USP15: variants seen among roughly 807,000 people sequenced by gnomAD.
USP15 encodes ubiquitin specific peptidase 15, also known as ubiquitin carboxyl-terminal hydrolase 15.
A neutral mutation model predicts 127.1 loss-of-function variants in USP15; 18 were observed. That is an observed-to-expected ratio of 0.14 (90% CI 0.10 to 0.21). The LOEUF is 0.21. Ranked by LOEUF, USP15 falls within the 10% of genes least tolerant of loss-of-function variation. USP15 has a pLI of 1.00. For missense variants in USP15, 805 were observed against 1,159.9 expected (o/e 0.69, Z 4.44); for synonymous variants, 364 against 393.7 (o/e 0.92, Z 0.89).
intron 8 of USP15, among the ~76,000 whole-genome samples, chr12:62,372,414 G>T (rs978484544): frequency 6.6e-6 from 1 of 151,966 alleles, no homozygotes; most frequent in Non-Finnish European, 1.5e-5. Flanking sequence ...AATTCTTTTA[G>T]AACATTATTT....
At chr12:62,332,268 A>G (rs1349822463) in intron 6 of USP15, among the ~76,000 whole-genome samples, 2 of 151,820 alleles carry the variant, frequency 1.3e-5, no homozygotes, top group African/African-American at 4.8e-5. Flanking sequence ...TTTTAACACT[A>G]CTTGTTTTAT....
chr12:62,368,405 G>C (rs191176776), intron 8 of USP15, among the ~76,000 whole-genome samples: 1 of 152,082 alleles, frequency 6.6e-6, no homozygotes, highest in Non-Finnish European at 1.5e-5. Flanking sequence ...TATTAACAGT[G>C]GGGTGTTAAA....
intron 1 of USP15, among the ~76,000 whole-genome samples, chr12:62,268,919 T>G (rs566529845): frequency 7.9e-5 from 12 of 152,258 alleles, no homozygotes; most frequent in Non-Finnish European, 1.6e-4. Flanking sequence ...CCCAAACTCC[T>G]CTGTTCTAGG....
intron 1 of USP15, among the ~76,000 whole-genome samples, chr12:62,263,185 A>T (rs1420295768): frequency 6.6e-6 from 1 of 152,116 alleles, no homozygotes; most frequent in African/African-American, 2.4e-5. Flanking sequence ...TTTCCTTTTA[A>T]TATCTTTTTT....
chr12:62,319,924 C>G (rs886261983), intron 4 of USP15, among the ~76,000 whole-genome samples: 2 of 152,124 alleles, frequency 1.3e-5, no homozygotes, highest in African/African-American at 4.8e-5. Context: ...TAAAACAGCT[C>G]CCTTCCTTGG....
chr12:62,285,108 A>G (rs1359891746), intron 1 of USP15, among the ~76,000 whole-genome samples: 1 of 152,144 alleles, frequency 6.6e-6, no homozygotes, highest in African/African-American at 2.4e-5. Context: ...TATACTTTCT[A>G]TTAATATTTT....
intron 6 of USP15, among the ~76,000 whole-genome samples, chr12:62,347,733 T>C (rs1340150312): frequency 6.6e-6 from 1 of 152,156 alleles, no homozygotes; most frequent in Non-Finnish European, 1.5e-5. Context: ...CTATTTTGTT[T>C]TTGAGTTTAG....
At chr12:62,393,465 A>G (rs1290305362) in intron 19 of USP15, 22 of 293,424 alleles carry the variant, frequency 7.5e-5, no homozygotes, top group African/African-American at 3.9e-4. Flanking sequence ...TATATTACCT[A>G]TGGGTTAATT....
intron 4 of USP15, among the ~76,000 whole-genome samples, chr12:62,319,694 A>G (rs1205160971): frequency 6.6e-6 from 1 of 152,184 alleles, no homozygotes; most frequent in East Asian, 1.9e-4. Context: ...TTAGATCACA[A>G]AACTCAATGA....
chr12:62,275,633 G>A (rs1028893873), intron 1 of USP15, among the ~76,000 whole-genome samples: 1 of 151,978 alleles, frequency 6.6e-6, no homozygotes, highest in Non-Finnish European at 1.5e-5. Flanking sequence ...GGTGATATGA[G>A]GGGAGAGGAG....
intron 2 of USP15, among the ~76,000 whole-genome samples, chr12:62,302,470 G>T (rs898576172): frequency 6.6e-6 from 1 of 152,136 alleles, no homozygotes; most frequent in African/African-American, 2.4e-5. Flanking sequence ...TGGCAGGCTT[G>T]TCCAACCTGC....
chr12:62,355,624 C>T, intron 8 of USP15, 149 bp downstream of exon 8: 1 of 802,890 alleles, frequency 1.2e-6, no homozygotes, highest in Non-Finnish European at 1.9e-6. Flanking sequence ...TTGACTTATT[C>T]ATTCTACTAC....
intron 2 of USP15, among the ~76,000 whole-genome samples, chr12:62,295,327 AAC>A (rs2064098742): frequency 6.6e-6 from 1 of 152,242 alleles, no homozygotes; most frequent in Non-Finnish European, 1.5e-5. Flanking sequence ...GACTTCTGAG[AAC>A]AGTTTTACTT....
intron 1 of USP15, among the ~76,000 whole-genome samples, chr12:62,260,858 TGACA>T: frequency 6.6e-6 from 1 of 152,276 alleles, no homozygotes; most frequent in African/African-American, 2.4e-5. Flanking sequence ...TACGCCGTTT[TGACA>T]GGTCCCGGTG....
chr12:62,384,134 A>G lies in USP15; in HGVS notation c.1305A>G (p.Val435=). 1.2e-6 allele frequency: 2 copies of G among 1,613,054 alleles called. No homozygotes were observed. Residue 435 remains valine (V), a synonymous_variant, in exon 11 of 22, where the codon GTA becomes GTG. Coordinates refer to ENST00000280377, the MANE Select transcript of USP15 (RefSeq NM_001252078.2). ...TAAAACGAAATGATTCTATCATAGT[A>G]GATATATTTCATGGCCTTTTCAAAT... The part of the protein sequence containing the change: ...NHLKRNDSII[V]DIFHGLFKST...
At chr12:62,284,235 T>C (rs2063730821) in intron 1 of USP15, among the ~76,000 whole-genome samples, 1 of 152,236 alleles carries the variant, frequency 6.6e-6, no homozygotes, top group Non-Finnish European at 1.5e-5. Context: ...ATTAGACTTT[T>C]TTGTGGAACT....
intron 8 of USP15, among the ~76,000 whole-genome samples, chr12:62,370,627 A>G (rs2066632320): frequency 6.6e-6 from 1 of 152,170 alleles, no homozygotes; most frequent in Admixed American, 6.5e-5. Context: ...TTGTCATGAT[A>G]CCACCCTATA....
At chr12:62,374,605 G>T in intron 8 of USP15, 1 of 971,728 alleles carries the variant, frequency 1.0e-6, no homozygotes, top group Non-Finnish European at 1.2e-6. Context: ...CCTAAAATAT[G>T]TTGACTGAAG....
At chr12:62,283,926 A>G (rs536463224) in intron 1 of USP15, among the ~76,000 whole-genome samples, 1 of 152,322 alleles carries the variant, frequency 6.6e-6, no homozygotes, top group African/African-American at 2.4e-5. Flanking sequence ...TGGGCAGCAG[A>G]GCGAGACCCT....
Sources: allele counts gnomAD v4.1 joint callset (sites outside exome capture counted in the v4.1 genomes callset), GRCh38; gene constraint gnomAD v4.1.1; transcripts MANE v1.5; gene names NCBI Gene and HGNC (gene_info 2026-07-23, HGNC 2026-07-21).